The following CACNA2D1 variants were observed in gnomAD, a reference collection of about 807,000 sequenced individuals.
CACNA2D1 encodes the protein calcium voltage-gated channel auxiliary subunit alpha2delta 1.
A neutral mutation model predicts 171.5 loss-of-function variants in CACNA2D1; 53 were observed. That is an observed-to-expected ratio of 0.31 (90% CI 0.25 to 0.39). The LOEUF (loss-of-function observed/expected upper bound fraction) is 0.39, where lower values mean the gene tolerates loss of function less well. Ranked by LOEUF, CACNA2D1 falls within the 10% of genes least tolerant of loss-of-function variation. CACNA2D1 has a pLI of 1.00. For missense variants in CACNA2D1, 903 were observed against 1,299.8 expected (o/e 0.69, Z 4.69); for synonymous variants, 442 against 443.1 (o/e 1.00, Z 0.03).
At chr7:82,073,790 G>A (rs549199136) in intron 7 of CACNA2D1, among the ~76,000 whole-genome samples, 3 of 152,038 alleles carry the variant, frequency 2.0e-5, no homozygotes, top group Admixed American at 1.3e-4. Context: ...TATTAGATAC[G>A]GGGTTTCATC....
chr7:82,330,094 T>C (rs1251332304), intron 3 of CACNA2D1, among the ~76,000 whole-genome samples: 3 of 151,722 alleles, frequency 2.0e-5, no homozygotes, highest in African/African-American at 4.8e-5. Context: ...GCAAAATTGC[T>C]ATCAAAGAGA....
At chr7:82,095,807 A>G (rs1202733135) in intron 6 of CACNA2D1, among the ~76,000 whole-genome samples, 4 of 152,202 alleles carry the variant, frequency 2.6e-5, no homozygotes, top group African/African-American at 9.7e-5. Context: ...ACCAACAATG[A>G]TAGGCGGTGG....
chr7:81,976,757 G>C (rs1165483379), intron 24 of CACNA2D1, among the ~76,000 whole-genome samples: 1 of 152,206 alleles, frequency 6.6e-6, no homozygotes, highest in Non-Finnish European at 1.5e-5. Context: ...GGGAGGCTGA[G>C]GCAGGTGAAT....
chr7:81,948,234 GAAC>G lies in CACNA2D1; in HGVS notation c.*2155_*2157del, dbSNP rs1207848403. ...GATTTAAGATAGTCTAGCAAAAATT[GAAC>G]AATAACTTTTAAATATTTAACAAAC... On this transcript the variant is annotated 3_prime_UTR_variant, in exon 39 of 39. Transcript: ENST00000356860. The G allele has an allele frequency of 6.6e-6, 1 of 151,728 alleles. No individual in the cohort carries two copies. The highest frequency in any genetic ancestry group is 2.4e-5 in the African/African-American group (1 of 41,374). 9.4% of individuals were successfully genotyped at this position (151,728 alleles called of 1,614,324 possible).
At chr7:82,056,375 T>C (rs1035711415) in intron 10 of CACNA2D1, among the ~76,000 whole-genome samples, 12 of 152,164 alleles carry the variant, frequency 7.9e-5, no homozygotes, top group African/African-American at 2.9e-4. Context: ...GAGGTAGGCA[T>C]GAAGCATAAA....
chr7:82,204,525 G>A (rs1046967008), intron 3 of CACNA2D1, among the ~76,000 whole-genome samples: 1 of 152,122 alleles, frequency 6.6e-6, no homozygotes, highest in African/African-American at 2.4e-5. Context: ...GTCACCATGG[G>A]GTGGTTGCCT....
chr7:82,146,697 AC>A (rs1443475066), intron 4 of CACNA2D1, among the ~76,000 whole-genome samples: 12 of 151,356 alleles, frequency 7.9e-5, no homozygotes, highest in African/African-American at 2.7e-4. Context: ...AGCAACTATT[AC>A]AAATTCGGCC....
At chr7:82,102,980 G>A (rs1380300782) in intron 6 of CACNA2D1, among the ~76,000 whole-genome samples, 1 of 152,074 alleles carries the variant, frequency 6.6e-6, no homozygotes, top group African/African-American at 2.4e-5. Flanking sequence ...GAAAATCCGT[G>A]ACTTTTAATA....
intron 5 of CACNA2D1, among the ~76,000 whole-genome samples, chr7:82,127,231 C>A (rs1790431648): frequency 6.6e-6 from 1 of 152,268 alleles, no homozygotes; most frequent in South Asian, 2.1e-4. Flanking sequence ...CCACTCTCAT[C>A]TGCATCCAAT....
At chr7:82,142,270 C>T (rs983263393) in intron 4 of CACNA2D1, among the ~76,000 whole-genome samples, 4 of 152,140 alleles carry the variant, frequency 2.6e-5, no homozygotes, top group African/African-American at 9.7e-5. Context: ...ATGGTCCATG[C>T]TAATATAATA....
chr7:82,019,688 G>C (rs1359807353), intron 12 of CACNA2D1, among the ~76,000 whole-genome samples: 2 of 152,106 alleles, frequency 1.3e-5, no homozygotes, highest in Non-Finnish European at 2.9e-5. Context: ...AAAAGCCATA[G>C]GAATTTGTTT....
intron 3 of CACNA2D1, among the ~76,000 whole-genome samples, chr7:82,196,387 A>C (rs999469467): frequency 1.3e-5 from 2 of 152,078 alleles, no homozygotes; most frequent in African/African-American, 4.8e-5. Flanking sequence ...GATGCTTGAA[A>C]AGGCAGACTA....
intron 1 of CACNA2D1, among the ~76,000 whole-genome samples, chr7:82,390,599 A>G (rs1825004174): frequency 6.6e-6 from 1 of 152,162 alleles, no homozygotes; most frequent in South Asian, 2.1e-4. Flanking sequence ...ACTTCTAGAA[A>G]AGTGGTTTAT....
intron 4 of CACNA2D1, among the ~76,000 whole-genome samples, chr7:82,153,231 A>G (rs776519786): frequency 1.3e-5 from 2 of 151,860 alleles, no homozygotes; most frequent in African/African-American, 4.8e-5. Flanking sequence ...TCTTGCCACC[A>G]GTTATTCTGT....
intron 3 of CACNA2D1, among the ~76,000 whole-genome samples, chr7:82,219,778 C>T (rs1277266970): frequency 3.9e-5 from 6 of 152,070 alleles, no homozygotes; most frequent in Non-Finnish European, 1.5e-5. Flanking sequence ...TATCTAAGCA[C>T]ATTTCTCATC....
intron 2 of CACNA2D1, among the ~76,000 whole-genome samples, chr7:82,339,775 TAGAC>T (rs1170979350): frequency 6.6e-6 from 1 of 152,194 alleles, no homozygotes; most frequent in Non-Finnish European, 1.5e-5. Flanking sequence ...GTGGTTATGA[TAGAC>T]AGAATAATGG....
intron 31 of CACNA2D1, among the ~76,000 whole-genome samples, chr7:81,966,573 A>G (rs1418614345): frequency 6.6e-6 from 1 of 151,202 alleles, no homozygotes; most frequent in Admixed American, 6.6e-5. Context: ...ATTGTTATTC[A>G]ATTTTTAGAA....
intron 37 of CACNA2D1, 56 bp from the exon 38 acceptor site, chr7:81,959,413 A>T: frequency 8.5e-7 from 1 of 1,171,016 alleles, no homozygotes; most frequent in Non-Finnish European, 1.3e-6. Flanking sequence ...GATTAAAAAT[A>T]AATACAATGC....
chr7:82,276,831 C>G (rs1317361890), intron 3 of CACNA2D1, among the ~76,000 whole-genome samples: 2 of 151,640 alleles, frequency 1.3e-5, no homozygotes, highest in East Asian at 1.9e-4. Flanking sequence ...TCACTGCAAC[C>G]TCTGCCTCCT....
Sources: gnomAD v4.1 joint callset for allele counts (sites outside exome capture counted in the v4.1 genomes callset) on GRCh38, gnomAD v4.1.1 for gene constraint, MANE v1.5 for transcripts, NCBI Gene and HGNC (gene_info 2026-07-23, HGNC 2026-07-21) for gene names.